The following SLC6A5 variants were observed in gnomAD, a reference collection of about 807,000 sequenced individuals.
SLC6A5 encodes the protein solute carrier family 6 member 5.
In SLC6A5, 58 loss-of-function variants were observed where a neutral mutation model predicts 90.5. That is an observed-to-expected ratio of 0.64 (90% CI 0.52 to 0.80). The LOEUF (loss-of-function observed/expected upper bound fraction) is 0.80. Ranked by LOEUF, SLC6A5 falls within the 30% of genes least tolerant of loss-of-function variation. SLC6A5 has a pLI of 0.00. For synonymous variants in SLC6A5, 427 were observed against 401.4 expected, an observed-to-expected ratio of 1.06 and a Z score of -0.76; for missense variants, 1,015 against 1,017.6, an observed-to-expected ratio of 1.00 and a Z score of 0.03.
Position 20,654,728 on chromosome 11 carries a change from T to C in SLC6A5, c.2254T>C (p.Cys752Arg). Residue 752 changes from cysteine (C) to arginine (R), a missense_variant, in exon 16 of 16, where the codon TGC becomes CGC. Physicochemically the swap from Cys to Arg is radical, Grantham distance 180 (BLOSUM62 -3). Around this residue, in one of 3 missense-constraint regions of SLC6A5, gnomAD observed 442 missense variants for 494.3 expected, o/e 0.89. Transcript: ENST00000525748. ...GRFIERLKLV[C>R]SPQPDWGPFL... is the part of the protein sequence containing the mutation. The stretch of plus-strand genomic sequence containing the variant: ...TTCTTTGCAGAGGCTGAAGTTGGTG[T>C]GCTCGCCACAGCCGGACTGGGGCCC... The C allele has an allele frequency of 6.2e-7, 1 of 1,614,176 alleles. No individual in the cohort carries two copies.
intron 3 of SLC6A5, among the ~76,000 whole-genome samples, chr11:20,605,957 C>T (rs1852572545): frequency 6.6e-6 from 1 of 152,224 alleles, no homozygotes; most frequent in Non-Finnish European, 1.5e-5. Flanking sequence ...AGGAAAGGCC[C>T]TGCCATCAAA....
At chr11:20,607,185 G>C in intron 4 of SLC6A5, 47 bp downstream of exon 4, 1 of 1,570,350 alleles carries the variant, frequency 6.4e-7, no homozygotes, top group South Asian at 1.2e-5. Context: ...TTCTTACTCT[G>C]TCCCCTCTGG....
intron 2 of SLC6A5, 112 bp from the exon 3 acceptor site, chr11:20,604,174 A>G (rs941216368): frequency 1.0e-5 from 14 of 1,362,520 alleles, no homozygotes; most frequent in Non-Finnish European, 1.3e-5. Flanking sequence ...TCCTCGGTTG[A>G]GAAGTGGGAG....
At chr11:20,643,791 G>C (rs539215159) in intron 13 of SLC6A5, among the ~76,000 whole-genome samples, 1 of 152,174 alleles carries the variant, frequency 6.6e-6, no homozygotes, top group South Asian at 2.1e-4. Context: ...CCCAGCACAG[G>C]CTCCTCTACA....
intron 2 of SLC6A5, among the ~76,000 whole-genome samples, chr11:20,602,497 A>T (rs1284671784): frequency 6.6e-6 from 1 of 151,536 alleles, no homozygotes; most frequent in East Asian, 1.9e-4. Context: ...TCCTTCTCTG[A>T]TCTCTTCTTT....
In SLC6A5 at chr11:20,601,201, C is replaced by T. The variant is rs749057466; in HGVS notation, c.76C>T (p.Pro26Ser). ...GGAGGCGGCGGCGGCGCAGGGCCAC[C>T]CGGATGGCCCATGCGCTCCCAGGAC... ...SPEAAAAQGH[P>S]DGPCAPRTSP... The change falls in exon 2 of 16, where the codon CCG (proline) becomes TCG (serine). Residue 26 changes from proline (P) to serine (S), a missense_variant. Around this residue, in one of 3 missense-constraint regions of SLC6A5, gnomAD observed 567 missense variants for 507.3 expected, o/e 1.12. Coordinates refer to ENST00000525748, the MANE Select transcript of SLC6A5 (RefSeq NM_004211.5). The T allele has an allele frequency of 4.0e-5, 64 of 1,585,152 alleles. No individual in the cohort carries two copies. In the Admixed American group the frequency reaches 5.0e-4, roughly 12 times the overall value.
At chr11:20,633,156 G>A (rs1853139602) in intron 10 of SLC6A5, among the ~76,000 whole-genome samples, 1 of 152,130 alleles carries the variant, frequency 6.6e-6, no homozygotes, top group Non-Finnish European at 1.5e-5. Context: ...CTCATGTTCA[G>A]AATCTATCCT....
In SLC6A5 at chr11:20,652,453, T is replaced by G; in HGVS notation, c.2235T>G (p.Ile745Met). The change falls in exon 15 of 16, where the codon ATT becomes ATG. Residue 745 changes from isoleucine to methionine, a missense_variant. Ile to Met is a conservative substitution (Grantham distance 10). Transcript: ENST00000525748. The part of the protein sequence containing the change: ...IKMHLAPGRF[I>M]ERLKLVCSPQ... ...TGCATCTGGCCCCTGGAAGATTTAT[T>G]GAGGTAATTCTGTCTACTTCTTTCC... The G allele has an allele frequency of 6.2e-7, 1 of 1,613,672 alleles. No individual in the cohort carries two copies. Among genetic ancestry groups the G allele is most frequent in the African/African-American group, 1.3e-5 (1 of 75,034 alleles).
intron 1 of SLC6A5, 96 bp downstream of exon 1, chr11:20,599,771 A>C (rs1722678313): frequency 7.1e-7 from 1 of 1,404,460 alleles, no homozygotes; most frequent in African/African-American, 1.4e-5. Flanking sequence ...ATGTCTGTGC[A>C]TTGGGTGGGG....
rs756672884 is a variant in SLC6A5, at chr11:20,646,830, G to T, written c.1970-4G>T. On this transcript the variant is annotated splice_polypyrimidine_tract_variant and splice_region_variant and intron_variant, in intron 13 of 15. Transcript: ENST00000525748. Reference sequence around the variant, plus strand: ...ATACCTGTTCTCTGCTTGTCTATTTGCAGGCTTGCAAAGATTCTGTGAAGA... The same window carrying T: ...ATACCTGTTCTCTGCTTGTCTATTTTCAGGCTTGCAAAGATTCTGTGAAGA... 1 of 1,604,908 alleles carries T rather than the reference G, an allele frequency of 6.2e-7. No homozygotes were observed. The highest frequency in any genetic ancestry group is 1.1e-5 in the South Asian group (1 of 90,874).
chr11:20,637,168 C>A lies in SLC6A5; in HGVS notation c.1738-4C>A. ...CAGATGTTCATTTCCTGACACGGTT[C>A]CAGTTTGCCACCATCGAGACCATAG... On this transcript the variant is annotated splice_polypyrimidine_tract_variant and splice_region_variant and intron_variant, in intron 11 of 15. Coordinates refer to ENST00000525748, the MANE Select transcript of SLC6A5 (RefSeq NM_004211.5). The A allele has an allele frequency of 6.2e-7, 1 of 1,613,856 alleles. No individual in the cohort carries two copies. The highest frequency in any genetic ancestry group is 8.5e-7 in the Non-Finnish European group (1 of 1,179,844).
chr11:20,630,678 C>T lies in SLC6A5; in HGVS notation c.1500-13C>T. ...AGCACACCTAATGGAAAACTCTGGT[C>T]TCTTCCTTCCAGGGACACTCTAATT... On this transcript the variant is annotated splice_polypyrimidine_tract_variant and intron_variant, in intron 9 of 15. Transcript: ENST00000525748. The T allele has an allele frequency of 6.2e-7, 1 of 1,614,162 alleles. No homozygotes were observed. The highest frequency in any genetic ancestry group is 1.3e-5 in the African/African-American group (1 of 75,080).
chr11:20,601,140 T>A lies in SLC6A5; in HGVS notation c.15T>A (p.Ala5=). The stretch of plus-strand genomic sequence containing the variant: ...CATTGTGTTTGCAGGATTGCAGTGC[T>A]CCCAAGGAAATGAATAAACTGCCAG... The part of the protein sequence containing the change: MDCS[A]PKEMNKLPAN... Residue 5 remains alanine, a synonymous_variant, in exon 2 of 16, where the codon GCT becomes GCA. Coordinates refer to ENST00000525748, the MANE Select transcript of SLC6A5 (RefSeq NM_004211.5). 1 of 1,591,136 alleles carries A rather than the reference T, an allele frequency of 6.3e-7. No individual in the cohort carries two copies. The highest frequency in any genetic ancestry group is 1.1e-5 in the South Asian group (1 of 89,370).
intron 5 of SLC6A5, among the ~76,000 whole-genome samples, chr11:20,613,050 G>A (rs547784170): frequency 6.8e-4 from 103 of 152,302 alleles, no homozygotes; most frequent in African/African-American, 2.4e-3. Flanking sequence ...CCTGGCTTCT[G>A]TAGGTGTTTG....
chr11:20,603,972 G>C (rs752965936), intron 2 of SLC6A5, among the ~76,000 whole-genome samples: 3 of 152,034 alleles, frequency 2.0e-5, no homozygotes, highest in Non-Finnish European at 4.4e-5. Context: ...TCAAGGTTTG[G>C]GGAGAGCTGC....
At chr11:20,650,135 G>A (rs1853496549) in intron 14 of SLC6A5, among the ~76,000 whole-genome samples, 2 of 151,986 alleles carry the variant, frequency 1.3e-5, no homozygotes, top group Admixed American at 1.3e-4. Context: ...CAGTTATTTT[G>A]TTGTTTAAGT....
At chr11:20,643,970 G>A (rs544775144) in intron 13 of SLC6A5, among the ~76,000 whole-genome samples, 9 of 152,274 alleles carry the variant, frequency 5.9e-5, no homozygotes, top group Admixed American at 2.0e-4. Flanking sequence ...TTTGATAGTC[G>A]TGTCTGGAGT....
chr11:20,601,802 C>A, intron 2 of SLC6A5, 137 bp downstream of exon 2: 1 of 949,284 alleles, frequency 1.1e-6, no homozygotes, highest in Non-Finnish European at 1.6e-6. Flanking sequence ...CGGGAGGCGG[C>A]TTTGGGGCTT....
intron 9 of SLC6A5, among the ~76,000 whole-genome samples, chr11:20,628,958 T>C (rs1236674566): frequency 6.6e-6 from 1 of 152,130 alleles, no homozygotes; most frequent in Non-Finnish European, 1.5e-5. Flanking sequence ...AGGCGGTGCA[T>C]AGTACAGGTA....
Sources: gnomAD v4.1 joint callset for allele counts (sites outside exome capture counted in the v4.1 genomes callset) on GRCh38, gnomAD v4.1.1 for gene constraint, gnomAD v4.1.1 regional missense constraint, MANE v1.5 for transcripts, NCBI Gene and HGNC (gene_info 2026-07-23, HGNC 2026-07-21) for gene names.